Variants in FARS2 observed in about 807,000 individuals in gnomAD.
FARS2 encodes phenylalanyl-tRNA synthetase 2, mitochondrial, also known as phenylalanine--tRNA ligase, mitochondrial.
A neutral mutation model predicts 46.4 loss-of-function variants in FARS2; 40 were observed. The ratio of observed to expected loss-of-function variants is 0.86; its 90% CI spans 0.67 to 1.12. The LOEUF is 1.12. FARS2 is among the 50% of genes most tolerant of loss of function. FARS2 has a pLI of 0.00. For missense variants in FARS2, 513 were observed against 567.9 expected (o/e 0.90, Z 0.98); for synonymous variants, 234 against 214.9 (o/e 1.09, Z -0.78).
intron 6 of FARS2, among the ~76,000 whole-genome samples, chr6:5,635,093 C>G (rs1166729120): frequency 6.6e-6 from 1 of 152,188 alleles, no homozygotes. Context: ...CTCTAAGCGT[C>G]AATTTCTTAT....
At chr6:5,400,332 C>T (rs191527482) in intron 2 of FARS2, among the ~76,000 whole-genome samples, 24 of 151,694 alleles carry the variant, frequency 1.6e-4, no homozygotes, top group East Asian at 9.7e-4. Context: ...AGTTTCTTTA[C>T]GTTAGTGGTA....
intron 3 of FARS2, among the ~76,000 whole-genome samples, chr6:5,417,293 T>C (rs1582043663): frequency 6.6e-6 from 1 of 152,180 alleles, no homozygotes; most frequent in African/African-American, 2.4e-5. Context: ...CATGGCCCAC[T>C]GCAGCCTCCA....
intron 4 of FARS2, among the ~76,000 whole-genome samples, chr6:5,525,761 T>A (rs1769425350): frequency 6.6e-6 from 1 of 152,268 alleles, no homozygotes; most frequent in Non-Finnish European, 1.5e-5. Context: ...ATTTTGTGTA[T>A]TGATAATTAA....
At position 5,333,886 on chromosome 6, in the gene FARS2, C is replaced by G. The variant is rs140441456; in HGVS notation, c.-21-34664C>G. ...TTTGCTTCAGGCTCTCCCAGTGTGA[C>G]TCATCATTAAATATCCAGTTGGAAC... On this transcript the variant is annotated intron_variant, in intron 1 of 6. Transcript: ENST00000274680. Among the ~76,000 whole-genome samples the G allele has an allele frequency of 3.9e-5, 6 of 152,290 alleles. No homozygotes were observed. The East Asian group carries it at 1.2e-3, about 29-fold the overall frequency.
At chr6:5,291,082 A>G (rs1408764424) in intron 1 of FARS2, 3 of 152,348 alleles carry the variant, frequency 2.0e-5, no homozygotes, top group South Asian at 2.1e-4. Flanking sequence ...AGTGTATATA[A>G]GAATCTACCT....
chr6:5,294,230 G>A (rs184050733), intron 1 of FARS2, among the ~76,000 whole-genome samples: 18 of 152,196 alleles, frequency 1.2e-4, no homozygotes, highest in African/African-American at 3.9e-4. Flanking sequence ...TTTGAGTTTC[G>A]GATCCTTGGT....
intron 4 of FARS2, among the ~76,000 whole-genome samples, chr6:5,535,057 C>T (rs1487967944): frequency 1.3e-5 from 2 of 152,164 alleles, no homozygotes; most frequent in Non-Finnish European, 2.9e-5. Flanking sequence ...ATTATAACCA[C>T]CCTAGTAGAT....
intron 1 of FARS2, among the ~76,000 whole-genome samples, chr6:5,290,671 C>T (rs1291118808): frequency 6.6e-6 from 1 of 152,188 alleles, no homozygotes. Flanking sequence ...TCCCTTTTAT[C>T]CCCCTGGGGG....
At chr6:5,656,186 T>C (rs927287724) in intron 6 of FARS2, among the ~76,000 whole-genome samples, 13 of 152,248 alleles carry the variant, frequency 8.5e-5, no homozygotes, top group Admixed American at 8.5e-4. Flanking sequence ...CCATCATCTT[T>C]GTTGTTGTGG....
chr6:5,519,727 TAATAA>T (rs1256380735), intron 4 of FARS2, among the ~76,000 whole-genome samples: 2 of 152,258 alleles, frequency 1.3e-5, no homozygotes, highest in Non-Finnish European at 2.9e-5. Context: ...AAAATAATAA[TAATAA>T]AATAAAACAA....
chr6:5,434,663 G>A (rs573713904), intron 4 of FARS2, among the ~76,000 whole-genome samples: 4 of 152,218 alleles, frequency 2.6e-5, no homozygotes, highest in East Asian at 1.9e-4. Context: ...TTCTTATGGC[G>A]TGGAGAAAGA....
intron 1 of FARS2, among the ~76,000 whole-genome samples, chr6:5,336,494 TATTTTTA>T (rs543516163): frequency 7.2e-4 from 110 of 152,240 alleles, no homozygotes; most frequent in Non-Finnish European, 1.3e-3. Context: ...TTTTAAAATT[TATTTTTA>T]ATTTTTAATT....
chr6:5,395,532 G>A (rs1243486313), intron 2 of FARS2, among the ~76,000 whole-genome samples: 1 of 152,118 alleles, frequency 6.6e-6, no homozygotes, highest in African/African-American at 2.4e-5. Context: ...TCTACCTGGA[G>A]CCACATTTTG....
intron 6 of FARS2, among the ~76,000 whole-genome samples, chr6:5,709,311 C>T (rs1034305942): frequency 3.9e-5 from 6 of 152,138 alleles, no homozygotes; most frequent in African/African-American, 7.2e-5. Context: ...AGTGCCTCTC[C>T]TTGGCACCTT....
chr6:5,579,196 A>G (rs531852605), intron 5 of FARS2, among the ~76,000 whole-genome samples: 29 of 152,338 alleles, frequency 1.9e-4, no homozygotes, highest in African/African-American at 6.3e-4. Flanking sequence ...AGGTGTAAAT[A>G]AATGTTTCAG....
intron 6 of FARS2, among the ~76,000 whole-genome samples, chr6:5,701,567 A>G (rs1418306525): frequency 6.6e-6 from 1 of 152,244 alleles, no homozygotes; most frequent in East Asian, 1.9e-4. Flanking sequence ...GCCAGATACC[A>G]GGTTCTCTCT....
intron 1 of FARS2, among the ~76,000 whole-genome samples, chr6:5,344,662 A>T (rs776146919): frequency 9.2e-5 from 14 of 152,128 alleles, no homozygotes; most frequent in Non-Finnish European, 1.5e-4. Flanking sequence ...GATAACTGAC[A>T]TTTATCCGTC....
intron 6 of FARS2, among the ~76,000 whole-genome samples, chr6:5,618,197 G>A (rs1182662227): frequency 6.6e-6 from 1 of 152,132 alleles, no homozygotes; most frequent in Non-Finnish European, 1.5e-5. Flanking sequence ...GGGGGAGGGG[G>A]ATACATGAAG....
chr6:5,349,938 G>A (rs945295066), intron 1 of FARS2, among the ~76,000 whole-genome samples: 3 of 150,684 alleles, frequency 2.0e-5, no homozygotes, highest in African/African-American at 7.3e-5. Context: ...TCATCACAGC[G>A]TATCATGGGT....
Sources: allele counts gnomAD v4.1 joint callset (sites outside exome capture counted in the v4.1 genomes callset), GRCh38; gene constraint gnomAD v4.1.1; transcripts MANE v1.5; gene names NCBI Gene and HGNC (gene_info 2026-07-23, HGNC 2026-07-21).